NEB: variants seen among roughly 807,000 people sequenced by gnomAD.
The protein encoded by NEB is nebulin.
NEB carries 512 observed loss-of-function variants against 952.2 expected under a neutral mutation model. That is an observed-to-expected ratio of 0.54 (90% CI 0.50 to 0.58). NEB has a LOEUF of 0.58. Among genes scored for constraint, NEB ranks in the 20% least tolerant of loss-of-function variants. The pLI, the probability that NEB is intolerant of heterozygous loss-of-function variation, is 0.00. For synonymous variants in NEB, 2,900 were observed against 3,149.8 expected, an observed-to-expected ratio of 0.92 and a Z score of 2.66; for missense variants, 8,428 against 9,231.1, an observed-to-expected ratio of 0.91 and a Z score of 3.56.
intron 9 of NEB, among the ~76,000 whole-genome samples, chr2:151,720,744 C>T (rs1392272459): frequency 6.6e-6 from 1 of 152,140 alleles, no homozygotes; most frequent in Admixed American, 6.5e-5. Flanking sequence ...CTGTTTGTTC[C>T]CTCATCCTTT....
chr2:151,489,190 A>G (rs1408010915), intron 181 of NEB, among the ~76,000 whole-genome samples: 4 of 152,196 alleles, frequency 2.6e-5, no homozygotes, highest in African/African-American at 9.7e-5. Context: ...TCATTTAATA[A>G]AGACAGTTGT....
Position 151,576,203 on chromosome 2 carries a change from A to G in NEB, c.16856T>C (p.Val5619Ala), listed in dbSNP as rs746575438. 2.7e-5 allele frequency: 44 copies of G among 1,611,068 alleles called. 1 individual carries two copies. The African/African-American group carries it at 5.6e-4, about 21-fold the overall frequency. ...PVVNLKYTSI[V>A]DTPEVVLAKS... is the part of the protein sequence containing the mutation. The stretch of plus-strand genomic sequence containing the variant: ...AGCAAGGACCACTTCAGGTGTGTCA[A>G]CAATGCTTGTGTACTTAAGGTTCAC... The change falls in exon 106 of 182, where the codon GTT becomes GCT. Residue 5619 changes from valine to alanine, a missense_variant. This residue lies in a region of NEB where 3,374 missense variants were observed against 3,651.5 expected (regional missense o/e 0.92). Transcript: ENST00000397345.
intron 37 of NEB, chr2:151,671,528 C>A: frequency 4.5e-5 from 14 of 310,944 alleles, no homozygotes; most frequent in East Asian, 6.3e-5. Flanking sequence ...TATCTTAAAG[C>A]ATTTTTTTTC....
At position 151,553,605 on chromosome 2, in the gene NEB, G is replaced by A. The variant is rs1577252348; in HGVS notation, c.19627-103C>T. ...CTAGACTCAGAAGGCTTTGTGGAATGAGGAGCAAAGGCATTATGCAAAGAG... is the reference window on the plus strand; with the variant it reads ...CTAGACTCAGAAGGCTTTGTGGAATAAGGAGCAAAGGCATTATGCAAAGAG... On this transcript the variant is annotated intron_variant, in intron 126 of 181. Coordinates refer to ENST00000397345, the MANE Select transcript of NEB (RefSeq NM_001164508.2). 10 of 912,080 alleles carry A rather than the reference G, an allele frequency of 1.1e-5. No individual in the cohort carries two copies. The South Asian group carries it at 1.5e-4, about 14-fold the overall frequency. 56.5% of individuals were successfully genotyped at this position (912,080 alleles called of 1,614,324 possible). A position where few individuals can be genotyped will look rare whatever the true frequency, so the allele number is the denominator to read the frequency against.
Position 151,673,021 on chromosome 2 carries a change from G to C in NEB, c.3988-341C>G, listed in dbSNP as rs571488755. 2.0e-5 allele frequency among the ~76,000 whole-genome samples: 3 copies of C among 152,234 alleles called. No individual in the cohort carries two copies. The East Asian group carries it at 5.8e-4, about 29-fold the overall frequency. ...CTCTTGGTTTCATAGGGTTTCATAG[G>C]TTTCGATTTAATATGTTATTTACAT... On this transcript the variant is annotated intron_variant, in intron 36 of 181. Coordinates refer to ENST00000397345, the MANE Select transcript of NEB (RefSeq NM_001164508.2).
At chr2:151,519,452 A>G (rs1401599236) in intron 154 of NEB, among the ~76,000 whole-genome samples, 7 of 152,214 alleles carry the variant, frequency 4.6e-5, no homozygotes, top group Non-Finnish European at 8.8e-5. Flanking sequence ...AAAGTAGATA[A>G]GAGGTTCCCA....
intron 3 of NEB, among the ~76,000 whole-genome samples, chr2:151,732,051 A>T (rs1470617114): frequency 6.6e-6 from 1 of 152,206 alleles, no homozygotes; most frequent in African/African-American, 2.4e-5. Flanking sequence ...TAGACTGGTC[A>T]CTAAAATAAT....
At chr2:151,578,666 G>A (rs1326281972) in intron 105 of NEB, among the ~76,000 whole-genome samples, 1 of 149,298 alleles carries the variant, frequency 6.7e-6, no homozygotes, top group Non-Finnish European at 1.5e-5. Flanking sequence ...AAAGAGACAA[G>A]GAGGGAAGGA....
chr2:151,546,089 A>G, intron 134 of NEB, 91 bp from the exon 135 acceptor site: 1 of 918,526 alleles, frequency 1.1e-6, no homozygotes. Flanking sequence ...GGCATGTGTA[A>G]GCTGAGCAGG....
At position 151,524,312 on chromosome 2, in the gene NEB, T is replaced by A; in HGVS notation, c.22478A>T (p.Gln7493Leu). 1 of 1,613,528 alleles carries A rather than the reference T, an allele frequency of 6.2e-7. No individual in the cohort carries two copies. The highest frequency in any genetic ancestry group is 8.5e-7 in the Non-Finnish European group (1 of 1,179,610). ...MAKKAAKLSSQVKYRENFDKE... is the reference protein window; with the variant it reads ...MAKKAAKLSSLVKYRENFDKE... ...CACCAGTGCACCCATCTGCATTACC[T>A]GGCTGCTCAGCTTGGCTGCCTTCTT... Residue 7493 changes from glutamine (Q) to leucine (L), a missense_variant and splice_region_variant, in exon 153 of 182, where the codon CAG becomes CTG. Gln to Leu is a moderately radical substitution (Grantham distance 113, BLOSUM62 -2). Around this residue, in one of 11 missense-constraint regions of NEB, gnomAD observed 3,374 missense variants for 3,651.5 expected, o/e 0.92. Coordinates refer to ENST00000397345, the MANE Select transcript of NEB (RefSeq NM_001164508.2).
intron 162 of NEB, among the ~76,000 whole-genome samples, chr2:151,507,535 G>T (rs1003459748): frequency 2.6e-5 from 4 of 152,166 alleles, no homozygotes; most frequent in African/African-American, 7.2e-5. Flanking sequence ...AGAGATACTA[G>T]GAGAATCTGA....
At chr2:151,709,298 A>G (rs1044620910) in intron 12 of NEB, among the ~76,000 whole-genome samples, 13 of 152,186 alleles carry the variant, frequency 8.5e-5, no homozygotes, top group African/African-American at 2.7e-4. Context: ...TTCTCCTTCT[A>G]AACAGCAAAA....
chr2:151,504,125 CTTAACA>C (rs920957930), intron 165 of NEB, among the ~76,000 whole-genome samples: 74 of 152,264 alleles, frequency 4.9e-4, no homozygotes, highest in African/African-American at 1.6e-3. Flanking sequence ...CTCCTTAACT[CTTAACA>C]TTAAGTTTTC....
At chr2:151,491,568 G>T in intron 179 of NEB, 115 bp downstream of exon 179, 1 of 861,274 alleles carries the variant, frequency 1.2e-6, no homozygotes, top group Non-Finnish European at 1.9e-6. Context: ...CAAATGGGCA[G>T]CTCAGAAAAT....
chr2:151,672,266 T>G (rs1404428189), intron 37 of NEB, 103 bp downstream of exon 37: 1 of 1,148,286 alleles, frequency 8.7e-7, no homozygotes. Flanking sequence ...TATTCTAAAG[T>G]GCATTTGTCA....
At chr2:151,533,213 A>C (rs1359518595) in intron 143 of NEB, among the ~76,000 whole-genome samples, 1 of 152,254 alleles carries the variant, frequency 6.6e-6, no homozygotes, top group Non-Finnish European at 1.5e-5. Context: ...TGAAAGAATC[A>C]GTTAATTTTA....
At chr2:151,501,516 T>C (rs1285418296) in intron 167 of NEB, 33 bp from the exon 168 acceptor site, 2 of 1,257,848 alleles carry the variant, frequency 1.6e-6, no homozygotes, top group Non-Finnish European at 1.1e-6. Context: ...CAAATCAACC[T>C]GGACCCATCA....
chr2:151,518,058 G>A (rs539902145), intron 156 of NEB, among the ~76,000 whole-genome samples: 1 of 152,166 alleles, frequency 6.6e-6, no homozygotes, highest in East Asian at 1.9e-4. Context: ...TTACCATGAG[G>A]GGTTTGTCCC....
In NEB at chr2:151,496,285, A is replaced by G; in HGVS notation, c.24477T>C (p.Asn8159=). The stretch of plus-strand genomic sequence containing the variant: ...TTTTCTCGCCAAGTACCGAGCTAAT[A>G]TTTTCTTGATTGTGTTTGACTCGCT... ...EMERVKHNQE[N]ISSVLYKENV... The change falls in exon 173 of 182, where the codon AAT becomes AAC. Residue 8159 remains asparagine, a synonymous_variant. Transcript: ENST00000397345. The G allele has an allele frequency of 6.2e-7, 1 of 1,608,526 alleles. No homozygotes were observed.
Sources: gnomAD v4.1 joint callset for allele counts (sites outside exome capture counted in the v4.1 genomes callset) on GRCh38, gnomAD v4.1.1 for gene constraint, gnomAD v4.1.1 regional missense constraint, MANE v1.5 for transcripts, NCBI Gene and HGNC (gene_info 2026-07-23, HGNC 2026-07-21) for gene names.